Variants in PDZRN4 observed in about 807,000 individuals in gnomAD.
PDZRN4 encodes PDZ domain-containing RING finger protein 4.
PDZRN4 carries 70 observed loss-of-function variants against 99.0 expected under a neutral mutation model. The observed-to-expected ratio is 0.71, with a 90% CI of 0.58 to 0.86. The LOEUF (loss-of-function observed/expected upper bound fraction) is 0.86. PDZRN4 is among the 40% of genes least tolerant of loss of function. The pLI is 0.00. For synonymous variants in PDZRN4, 551 were observed against 501.6 expected (o/e 1.10, Z -1.32); for missense variants, 1,474 against 1,331.2 (o/e 1.11, Z -1.67).
intron 3 of PDZRN4, among the ~76,000 whole-genome samples, chr12:41,211,462 T>A (rs905112662): frequency 2.0e-5 from 3 of 151,768 alleles, no homozygotes; most frequent in Non-Finnish European, 4.4e-5. Context: ...TGTGAATAGA[T>A]CTGTTTTTTT....
chr12:41,285,797 A>G (rs1951418551), intron 3 of PDZRN4, among the ~76,000 whole-genome samples: 1 of 152,042 alleles, frequency 6.6e-6, no homozygotes, highest in Admixed American at 6.6e-5. Flanking sequence ...TAGGAGTTGA[A>G]CAATGAGAAC....
intron 3 of PDZRN4, among the ~76,000 whole-genome samples, chr12:41,214,452 T>TAAAAAAAAAAAAAAAAAAAAAAAAA (rs1555216889): frequency 1.1e-4 from 6 of 53,098 alleles, no homozygotes; most frequent in East Asian, 6.3e-4. Context: ...AAAAAAAAAG[T>TAAAAAAAAAAAAAAAAAAAAAAAAA]TATCTATTTG....
chr12:41,440,767 A>T (rs1952672354), intron 3 of PDZRN4, among the ~76,000 whole-genome samples: 1 of 152,152 alleles, frequency 6.6e-6, no homozygotes, highest in African/African-American at 2.4e-5. Flanking sequence ...ATTAACTTTT[A>T]TATGTGCCAG....
chr12:41,260,909 CA>C (rs1460276636), intron 3 of PDZRN4, among the ~76,000 whole-genome samples: 1 of 152,100 alleles, frequency 6.6e-6, no homozygotes, highest in Admixed American at 6.6e-5. Flanking sequence ...TGATTTTCTA[CA>C]ATATCACCCC....
intron 3 of PDZRN4, among the ~76,000 whole-genome samples, chr12:41,232,233 T>TG (rs2120757949): frequency 6.6e-6 from 1 of 152,152 alleles, no homozygotes; most frequent in East Asian, 1.9e-4. Flanking sequence ...CATATACTGT[T>TG]GCGGAATATT....
chr12:41,563,526 G>C (rs756879218), intron 7 of PDZRN4, 22 bp from the exon 8 acceptor site: 1 of 1,528,904 alleles, frequency 6.5e-7, no homozygotes. Context: ...AAACTAATGT[G>C]CCACTCTCAT....
intron 3 of PDZRN4, among the ~76,000 whole-genome samples, chr12:41,350,853 C>T (rs916607955): frequency 6.6e-6 from 1 of 150,808 alleles, no homozygotes; most frequent in Non-Finnish European, 1.5e-5. Flanking sequence ...GTTTGTCTGA[C>T]CCAGAAGCAG....
chr12:41,233,366 T>G (rs925264326), intron 3 of PDZRN4, among the ~76,000 whole-genome samples: 13 of 152,068 alleles, frequency 8.5e-5, no homozygotes, highest in East Asian at 3.9e-4. Context: ...CAACCATTGT[T>G]GGAGTCAGTG....
intron 3 of PDZRN4, among the ~76,000 whole-genome samples, chr12:41,242,628 GAC>G (rs112751345): frequency 0.057 from 8,396 of 148,030 alleles, 676 homozygotes; most frequent in African/African-American, 0.18. Flanking sequence ...TGTTCTTGTG[GAC>G]ACACACACAC....
intron 3 of PDZRN4, among the ~76,000 whole-genome samples, chr12:41,222,526 AT>A (rs958338249): frequency 6.6e-6 from 1 of 151,884 alleles, no homozygotes; most frequent in Non-Finnish European, 1.5e-5. Context: ...TATTATTTCT[AT>A]TTTTTTATTG....
At chr12:41,542,560 AAC>A (rs1229409596) in intron 5 of PDZRN4, among the ~76,000 whole-genome samples, 1 of 152,060 alleles carries the variant, frequency 6.6e-6, no homozygotes, top group Non-Finnish European at 1.5e-5. Context: ...TGCCACCCCC[AAC>A]ACACACGTTT....
At chr12:41,371,651 T>A (rs1406865392) in intron 3 of PDZRN4, among the ~76,000 whole-genome samples, 1 of 152,192 alleles carries the variant, frequency 6.6e-6, no homozygotes, top group Non-Finnish European at 1.5e-5. Context: ...TTTTTGGTTT[T>A]CGCTTTATTT....
At chr12:41,528,372 A>G (rs1938605773) in intron 5 of PDZRN4, among the ~76,000 whole-genome samples, 1 of 152,174 alleles carries the variant, frequency 6.6e-6, no homozygotes, top group Admixed American at 6.5e-5. Flanking sequence ...TCCACAGTGC[A>G]CTCTGTACAT....
At chr12:41,416,596 G>T (rs1335353489) in intron 3 of PDZRN4, among the ~76,000 whole-genome samples, 2 of 152,212 alleles carry the variant, frequency 1.3e-5, no homozygotes, top group African/African-American at 2.4e-5. Flanking sequence ...GGCGGAGGTT[G>T]CAGTGAGCAG....
intron 9 of PDZRN4, among the ~76,000 whole-genome samples, chr12:41,568,646 G>C (rs1939420362): frequency 6.6e-6 from 1 of 152,078 alleles, no homozygotes; most frequent in African/African-American, 2.4e-5. Context: ...AGTGTGATTA[G>C]TATATTATTT....
chr12:41,202,918 T>C (rs1566356721), intron 3 of PDZRN4, among the ~76,000 whole-genome samples: 1 of 152,054 alleles, frequency 6.6e-6, no homozygotes, highest in Non-Finnish European at 1.5e-5. Context: ...TATTTGTATG[T>C]AAAATTAGGT....
intron 3 of PDZRN4, among the ~76,000 whole-genome samples, chr12:41,224,650 T>C (rs1022297466): frequency 1.3e-5 from 2 of 152,192 alleles, no homozygotes; most frequent in East Asian, 3.9e-4. Flanking sequence ...AATTTTATAG[T>C]ATAGGTAAGA....
In PDZRN4 at chr12:41,188,475, G is replaced by A. The variant is rs961711000; in HGVS notation, c.20G>A (p.Arg7His). 1 of 1,591,236 alleles carries A rather than the reference G, an allele frequency of 6.3e-7. No homozygotes were observed. The highest frequency in any genetic ancestry group is 8.5e-7 in the Non-Finnish European group (1 of 1,176,460). ...CCTAACATGGGCTTTGCCCTGGAGCGCTTCGCAGAAGCCGTGGACCCGGCT... is the reference window on the plus strand; with the variant it reads ...CCTAACATGGGCTTTGCCCTGGAGCACTTCGCAGAAGCCGTGGACCCGGCT... MGFALE[R>H]FAEAVDPALE... Residue 7 changes from arginine (R) to histidine (H), a missense_variant, in exon 1 of 10, where the codon CGC becomes CAC. Arg to His is a conservative substitution (Grantham distance 29). Coordinates refer to ENST00000402685, the MANE Select transcript of PDZRN4 (RefSeq NM_001164595.2).
chr12:41,233,317 G>A (rs1951041802), intron 3 of PDZRN4, among the ~76,000 whole-genome samples: 2 of 152,138 alleles, frequency 1.3e-5, no homozygotes, highest in South Asian at 4.1e-4. Flanking sequence ...TGGAGAAATA[G>A]GAACACTTTT....
Sources: gnomAD v4.1 joint callset for allele counts (sites outside exome capture counted in the v4.1 genomes callset) on GRCh38, gnomAD v4.1.1 for gene constraint, MANE v1.5 for transcripts, NCBI Gene and HGNC (gene_info 2026-07-23, HGNC 2026-07-21) for gene names.